The following BRD1 variants were observed in gnomAD, a reference collection of about 807,000 sequenced individuals.
BRD1 encodes bromodomain-containing protein 1.
Under a neutral mutation model 107.7 loss-of-function variants are expected in BRD1, and 24 were observed. The observed-to-expected ratio is 0.22, with a 90% CI of 0.16 to 0.31. The LOEUF is 0.31. BRD1 is among the 10% of genes least tolerant of loss of function. The pLI is 1.00. For synonymous variants in BRD1, 744 were observed against 686.1 expected (o/e 1.08, Z -1.32); for missense variants, 1,279 against 1,638.6 (o/e 0.78, Z 3.79).
intron 6 of BRD1, among the ~76,000 whole-genome samples, chr22:49,797,094 AGACAATCCCAGAGG>A (rs2059549288): frequency 6.6e-6 from 1 of 152,218 alleles, no homozygotes; most frequent in African/African-American, 2.4e-5. Context: ...ACCCTTCGAC[AGACAATCCCAGAGG>A]TGCGACTAAC....
At chr22:49,798,880 G>A (rs1181853575) in intron 4 of BRD1, 108 bp downstream of exon 4, 2 of 1,472,450 alleles carry the variant, frequency 1.4e-6, no homozygotes, top group Admixed American at 2.4e-5. Context: ...AGGCACTGCT[G>A]TGGGCCAGGA....
Position 49,777,047 on chromosome 22 carries a change from G to A in BRD1, c.3108C>T (p.Ala1036=). The A allele has an allele frequency of 6.2e-7, 1 of 1,613,160 alleles. No individual in the cohort carries two copies. The highest frequency in any genetic ancestry group is 2.2e-5 in the East Asian group (1 of 44,886). ...CIENGNYAKA[A]RIAAEVGQSS... ...CGGGCGACTCACCGGCTGCGATCCT[G>A]GCCGCCTTGGCGTAGTTCCCATTCT... is the stretch of plus-strand genomic sequence containing the variant. Residue 1036 remains alanine, a synonymous_variant, in exon 10 of 13, where the codon GCC becomes GCT. Coordinates refer to ENST00000404760, the MANE Select transcript of BRD1 (RefSeq NM_001304808.3).
In BRD1 at chr22:49,804,258, G is replaced by C. The variant is rs772980050; in HGVS notation, c.1470C>G (p.Ala490=). 5.6e-6 allele frequency: 9 copies of C among 1,609,328 alleles called. No individual in the cohort carries two copies. Among genetic ancestry groups the C allele is most frequent in the Non-Finnish European group, 5.9e-6 (7 of 1,177,872 alleles). Residue 490 remains alanine, a synonymous_variant, in exon 3 of 13, where the codon GCC becomes GCG. Transcript: ENST00000404760. ...TGGACTGCAGCCGCCGCAGCAGGGG[G>C]GCCCCGTTCCTGGACAGCCGCTTGA... is the stretch of plus-strand genomic sequence containing the variant. The part of the protein sequence containing the change: ...WLLKRLSRNG[A]PLLRRLQSSL...
At chr22:49,811,709 C>A (rs190376167) in intron 2 of BRD1, among the ~76,000 whole-genome samples, 1 of 152,222 alleles carries the variant, frequency 6.6e-6, no homozygotes, top group African/African-American at 2.4e-5. Flanking sequence ...CCATGGGCAA[C>A]TGACACCATG....
chr22:49,785,080 G>C (rs1195260221), intron 8 of BRD1, among the ~76,000 whole-genome samples: 1 of 152,246 alleles, frequency 6.6e-6, no homozygotes, highest in Non-Finnish European at 1.5e-5. Flanking sequence ...CGTCACCACG[G>C]GAAGCCCGCA....
chr22:49,777,778 G>A lies in BRD1; in HGVS notation c.2893C>T (p.Gln965Ter). The A allele has an allele frequency of 6.2e-7, 1 of 1,604,632 alleles. No homozygotes were observed. Residue 965 changes from glutamine (Q) to a stop codon, truncating the protein, a stop_gained, in exon 9 of 13, where the codon CAG (glutamine) becomes TAG (stop). Coordinates refer to ENST00000404760, the MANE Select transcript of BRD1 (RefSeq NM_001304808.3). LOFTEE classifies it high-confidence loss of function. ...TNGFGGARSE[Q>*]EPGGGLGRKA... ...CTCCCCAGGCCGCCGCCCGGCTCCT[G>A]CTCGCTCCTCGCACCCCCAAAGCCG...
intron 2 of BRD1, chr22:49,807,045 A>G (rs1301270038): frequency 6.6e-6 from 1 of 151,980 alleles, no homozygotes; most frequent in Non-Finnish European, 1.5e-5. Context: ...AACCCCGGAA[A>G]TGAGGGAGGT....
intron 2 of BRD1, among the ~76,000 whole-genome samples, chr22:49,821,235 T>C (rs1464463302): frequency 6.6e-6 from 1 of 152,210 alleles, no homozygotes; most frequent in Non-Finnish European, 1.5e-5. Context: ...CATCATCTGG[T>C]ACTGGCCAGG....
Position 49,802,137 on chromosome 22 carries a change from G to C in BRD1, c.1524+2067C>G, listed in dbSNP as rs547826366. Among the ~76,000 whole-genome samples the C allele has an allele frequency of 3.1e-3, 449 of 145,892 alleles. 1 individual carries two copies. Among genetic ancestry groups the C allele is most frequent in the African/African-American group, 8.3e-3 (326 of 39,242 alleles). On this transcript the variant is annotated intron_variant, in intron 3 of 12. Coordinates refer to ENST00000404760, the MANE Select transcript of BRD1 (RefSeq NM_001304808.3). The stretch of plus-strand genomic sequence containing the variant: ...TTCCATTCCCCAACATCGCAGGGGC[G>C]GAGACCAATGCCTCCACTCTCTTCC...
chr22:49,777,762 C>A lies in BRD1; in HGVS notation c.2909G>T (p.Gly970Val). 1.2e-6 allele frequency: 2 copies of A among 1,605,554 alleles called. No individual in the cohort carries two copies. Among genetic ancestry groups the A allele is most frequent in the Non-Finnish European group, 1.7e-6 (2 of 1,177,762 alleles). The change falls in exon 9 of 13, where the codon GGC becomes GTC. Residue 970 changes from glycine (G) to valine (V), a missense_variant. By Grantham distance (109) the Gly-to-Val change is moderately radical (BLOSUM62 -3). This residue lies in a region of BRD1 where 263 missense variants were observed against 251.6 expected (regional missense o/e 1.05). Transcript: ENST00000404760. ...GARSEQEPGG[G>V]LGRKATPRRR... ...TCGGGGTGTGGCCTTCCTCCCCAGGCCGCCGCCCGGCTCCTGCTCGCTCCT... is the reference window on the plus strand; with the variant it reads ...TCGGGGTGTGGCCTTCCTCCCCAGGACGCCGCCCGGCTCCTGCTCGCTCCT...
At chr22:49,798,335 C>G (rs1307409189) in intron 5 of BRD1, among the ~76,000 whole-genome samples, 2 of 152,242 alleles carry the variant, frequency 1.3e-5, no homozygotes, top group Non-Finnish European at 2.9e-5. Context: ...GATGCTGCCA[C>G]AGCCCAGGGT....
chr22:49,787,646 GGCC>G lies in BRD1; in HGVS notation c.2598_2600del (p.Ala867del), dbSNP rs758080640. The stretch of plus-strand genomic sequence containing the variant: ...CGCTTGCTGGCTCCGCCACCGCGGA[GGCC>G]GCCGCCGCCGGCACATCGCCACTAC... On this transcript the variant is annotated inframe_deletion, in exon 8 of 13. Coordinates refer to ENST00000404760, the MANE Select transcript of BRD1 (RefSeq NM_001304808.3). 8 of 1,550,646 alleles carry G rather than the reference GGCC, an allele frequency of 5.2e-6. No homozygotes were observed. The highest frequency in any genetic ancestry group is 1.2e-5 in the South Asian group (1 of 84,110).
intron 2 of BRD1, among the ~76,000 whole-genome samples, chr22:49,808,844 C>T (rs2059795639): frequency 6.6e-6 from 1 of 152,270 alleles, no homozygotes; most frequent in East Asian, 1.9e-4. Context: ...GTGAGCCGGG[C>T]GCAGTGGCTT....
At chr22:49,790,448 A>G (rs2059413127) in intron 7 of BRD1, among the ~76,000 whole-genome samples, 1 of 152,234 alleles carries the variant, frequency 6.6e-6, no homozygotes, top group Non-Finnish European at 1.5e-5. Context: ...TAAGCCTCTC[A>G]GACCCCGTCA....
chr22:49,823,081 T>C lies in BRD1; in HGVS notation c.1237A>G (p.Lys413Glu). ...CTGACCGTTTTAACCGAGCTCTCTT[T>C]TCGACAGACGCCATTTTTCATTTCG... ...DVEMKNGVCR[K>E]ESSVKTVRST... Residue 413 changes from lysine to glutamate, a missense_variant, in exon 2 of 13, where the codon AAA (lysine) becomes GAA (glutamate). Lys to Glu is a moderately conservative substitution (Grantham distance 56). Around this residue, in one of 7 missense-constraint regions of BRD1, gnomAD observed 87 missense variants for 77.1 expected, o/e 1.13. Transcript: ENST00000404760. 6.2e-7 allele frequency: 1 copy of C among 1,614,228 alleles called. No individual in the cohort carries two copies. Among genetic ancestry groups the C allele is most frequent in the Non-Finnish European group, 8.5e-7 (1 of 1,180,046 alleles).
At chr22:49,778,191 G>A (rs930738001) in intron 8 of BRD1, among the ~76,000 whole-genome samples, 10 of 152,188 alleles carry the variant, frequency 6.6e-5, no homozygotes, top group Non-Finnish European at 1.0e-4. Flanking sequence ...GCCTGTCCAC[G>A]TGGGCACCGG....
At chr22:49,804,758 G>A (rs1373865149) in intron 2 of BRD1, among the ~76,000 whole-genome samples, 2 of 152,094 alleles carry the variant, frequency 1.3e-5, no homozygotes, top group Non-Finnish European at 2.9e-5. Flanking sequence ...GGCTGAGGCA[G>A]GAGAATCGCT....
intron 7 of BRD1, among the ~76,000 whole-genome samples, chr22:49,788,893 A>G (rs1427909970): frequency 6.6e-6 from 1 of 152,280 alleles, no homozygotes; most frequent in Non-Finnish European, 1.5e-5. Context: ...TTAAACCTGC[A>G]AACTTTCCTA....
rs1463126372 is a variant in BRD1 at position 49,774,203 on chromosome 22, T to TG, written c.*29dup. On this transcript the variant is annotated 3_prime_UTR_variant, in exon 13 of 13. Coordinates refer to ENST00000404760, the MANE Select transcript of BRD1 (RefSeq NM_001304808.3). ...AAACATGTACAGCTTATCAACACTA[T>TG]GGACAAGACCCGCGCTGGCGGCCGG... is the stretch of plus-strand genomic sequence containing the variant. The TG allele has an allele frequency of 6.2e-7, 1 of 1,601,594 alleles. No homozygotes were observed. Among genetic ancestry groups the TG allele is most frequent in the Non-Finnish European group, 8.5e-7 (1 of 1,173,172 alleles).
Sources: gnomAD v4.1 joint callset for allele counts (sites outside exome capture counted in the v4.1 genomes callset) on GRCh38, gnomAD v4.1.1 for gene constraint, gnomAD v4.1.1 regional missense constraint, MANE v1.5 for transcripts, NCBI Gene and HGNC (gene_info 2026-07-23, HGNC 2026-07-21) for gene names.